The following PPARA variants were observed in gnomAD, a reference collection of about 807,000 sequenced individuals.
The protein encoded by PPARA is peroxisome proliferator-activated receptor alpha.
A neutral mutation model predicts 42.2 loss-of-function variants in PPARA; 22 were observed. The observed-to-expected ratio is 0.52, with a 90% confidence interval of 0.37 to 0.74. The LOEUF is 0.74. Ranked by LOEUF, PPARA falls within the 30% of genes least tolerant of loss-of-function variation. The pLI, the probability that PPARA is intolerant of heterozygous loss-of-function variation, is 0.00. For missense variants in PPARA, 465 were observed against 608.2 expected (o/e 0.76, Z 2.48); for synonymous variants, 242 against 239.3 (o/e 1.01, Z -0.10).
At chr22:46,226,350 T>C (rs115170181) in intron 7 of PPARA, among the ~76,000 whole-genome samples, 145 of 152,352 alleles carry the variant, frequency 9.5e-4, no homozygotes, top group African/African-American at 2.8e-3. Flanking sequence ...AATAATTCTT[T>C]AGCACTGAAT....
intron 4 of PPARA, among the ~76,000 whole-genome samples, chr22:46,201,538 C>T (rs999077369): frequency 2.0e-5 from 3 of 152,142 alleles, no homozygotes; most frequent in East Asian, 1.9e-4. Context: ...TGTCAGGTGG[C>T]GCCTTGAGTG....
At position 46,183,008 on chromosome 22, in the gene PPARA, G is replaced by T. The variant is rs912676942; in HGVS notation, c.-43+6172G>T. Among the ~76,000 whole-genome samples, 6 of 152,190 alleles carry T rather than the reference G, an allele frequency of 3.9e-5. No homozygotes were observed. Among genetic ancestry groups the T allele is most frequent in the African/African-American group, 1.4e-4 (6 of 41,448 alleles). On this transcript the variant is annotated intron_variant, in intron 3 of 8. Coordinates refer to ENST00000407236, the MANE Select transcript of PPARA (RefSeq NM_005036.6). The surrounding 1 kb of genome is among the most constrained non-coding windows in gnomAD (Gnocchi z 5.5). The stretch of plus-strand genomic sequence containing the variant: ...GATCCACCCACCTCGGCCTCCCAAA[G>T]TGTTGGGATTATAGGCATGAGCCAC...
chr22:46,204,421 A>G lies in PPARA; in HGVS notation c.208+5830A>G, dbSNP rs576384887. Among the ~76,000 whole-genome samples the G allele has an allele frequency of 6.6e-6, 1 of 152,356 alleles. No homozygotes were observed. Among genetic ancestry groups the G allele is most frequent in the South Asian group, 2.1e-4 (1 of 4,834 alleles). On this transcript the variant is annotated intron_variant, in intron 4 of 8. Coordinates refer to ENST00000407236, the MANE Select transcript of PPARA (RefSeq NM_005036.6). The surrounding 1 kb of genome is among the most constrained non-coding windows in gnomAD (Gnocchi z 5.2). ...TGTGTAACTTTTTAAGAAACTGCCA[A>G]AATCTTTTCCAGCATTTCAGAAAAA... is the stretch of plus-strand genomic sequence containing the variant.
chr22:46,185,950 T>C lies in PPARA; in HGVS notation c.-43+9114T>C, dbSNP rs1569207858. Among the ~76,000 whole-genome samples, 9 of 57,362 alleles carry C rather than the reference T, an allele frequency of 1.6e-4. 2 individuals carry two copies. The highest frequency in any genetic ancestry group is 5.2e-4 in the African/African-American group (8 of 15,416). 37.6% of individuals were successfully genotyped at this position (57,362 alleles called of 152,430 possible). A position where few individuals can be genotyped will look rare whatever the true frequency, so the allele number is the denominator to read the frequency against. ...ATATATATATATATATATATATATA[T>C]ATATATATATATATACACACACACT... is the stretch of plus-strand genomic sequence containing the variant. On this transcript the variant is annotated intron_variant, in intron 3 of 8. Coordinates refer to ENST00000407236, the MANE Select transcript of PPARA (RefSeq NM_005036.6).
chr22:46,212,850 G>T lies in PPARA; in HGVS notation c.209-2323G>T, dbSNP rs1044721512. Among the ~76,000 whole-genome samples, 2 of 152,108 alleles carry T rather than the reference G, an allele frequency of 1.3e-5. No homozygotes were observed. Among genetic ancestry groups the T allele is most frequent in the Non-Finnish European group, 2.9e-5 (2 of 68,028 alleles). On this transcript the variant is annotated intron_variant, in intron 4 of 8. Transcript: ENST00000407236. The surrounding 1 kb of genome is among the most constrained non-coding windows in gnomAD (Gnocchi z 4.2). Reference sequence around the variant, plus strand: ...GTCTCTACTAAAAATACAAAAATTAGCCGGGCGTGGTAATGGGCACCTGTA... The same window carrying T: ...GTCTCTACTAAAAATACAAAAATTATCCGGGCGTGGTAATGGGCACCTGTA...
chr22:46,215,756 G>T (rs1934426347), intron 5 of PPARA, among the ~76,000 whole-genome samples: 1 of 151,228 alleles, frequency 6.6e-6, no homozygotes, highest in Non-Finnish European at 1.5e-5. Context: ...AAAAAAGAAA[G>T]AAAAAAAGAA....
At chr22:46,199,149 T>C (rs1327929789) in intron 4 of PPARA, among the ~76,000 whole-genome samples, 1 of 152,010 alleles carries the variant, frequency 6.6e-6, no homozygotes, top group Admixed American at 6.6e-5. Context: ...ACAGCTAAAG[T>C]ACACAGACCC....
chr22:46,239,098 CCT>C lies in PPARA; in HGVS notation c.*3719_*3720del, dbSNP rs2147739390. 1 of 152,256 alleles carries C rather than the reference CCT, an allele frequency of 6.6e-6. No individual in the cohort carries two copies. Among genetic ancestry groups the C allele is most frequent in the East Asian group, 1.9e-4 (1 of 5,174 alleles). The allele number at this position is 152,256 out of a possible 1,614,324, so 9.4% of individuals were successfully genotyped here. A position where few individuals can be genotyped will look rare whatever the true frequency, so the allele number is the denominator to read the frequency against. On this transcript the variant is annotated 3_prime_UTR_variant, in exon 9 of 9. Transcript: ENST00000407236. ...TTCAAGGATGCCCAGGAGAGCTGTC[CCT>C]GTTTTAAAGAGCTGTGTTTTGTTTT...
chr22:46,186,182 C>T (rs1443661887), intron 3 of PPARA, among the ~76,000 whole-genome samples: 1 of 151,656 alleles, frequency 6.6e-6, no homozygotes, highest in Non-Finnish European at 1.5e-5. Flanking sequence ...CATTCATAGA[C>T]CGGATGCCAT....
At chr22:46,186,773 T>TC (rs1031223554) in intron 3 of PPARA, among the ~76,000 whole-genome samples, 1 of 150,888 alleles carries the variant, frequency 6.6e-6, no homozygotes, top group Non-Finnish European at 1.5e-5. Context: ...TGTACAGTGC[T>TC]CCCCCCCTTA....
rs780699375 is a variant in PPARA at position 46,224,229 on chromosome 22, C to A, written c.711+4215C>A. Reference sequence around the variant, plus strand: ...CGGGACGCTGGAGGCACGGCCCCCTCCTCCCTGCCTAGCCTGCTGACGGGC... The same window carrying A: ...CGGGACGCTGGAGGCACGGCCCCCTACTCCCTGCCTAGCCTGCTGACGGGC... On this transcript the variant is annotated intron_variant, in intron 7 of 8. Coordinates refer to ENST00000407236, the MANE Select transcript of PPARA (RefSeq NM_005036.6). This position sits in a 1 kb window ranked among gnomAD's most constrained non-coding sequence, Gnocchi z 5.7. 1.2e-3 allele frequency among the ~76,000 whole-genome samples: 190 copies of A among 152,330 alleles called. 1 individual carries two copies. The highest frequency in any genetic ancestry group is 4.3e-3 in the African/African-American group (179 of 41,554).
At position 46,151,476 on chromosome 22, in the gene PPARA, C is replaced by T. The variant is rs4253781; in HGVS notation, c.-209-412C>T. The stretch of plus-strand genomic sequence containing the variant: ...TGGAAGTCAGGAGGGTCGGCCCTGC[C>T]CCCTCACGCACCCCAACCGGGCACA... On this transcript the variant is annotated intron_variant, in intron 1 of 8. Transcript: ENST00000407236. Among the ~76,000 whole-genome samples the T allele has an allele frequency of 9.3e-4, 141 of 152,396 alleles. 1 individual carries two copies. In the Middle Eastern group the frequency reaches 0.01, roughly 11 times the overall value.
intron 2 of PPARA, among the ~76,000 whole-genome samples, 166 bp from the exon 3 acceptor site, chr22:46,176,587 T>G (rs1929098026): frequency 6.6e-6 from 1 of 152,242 alleles, no homozygotes; most frequent in African/African-American, 2.4e-5. Flanking sequence ...TGTTGAGGTT[T>G]GTTTAATGGT....
rs774591318 is a variant in PPARA at position 46,216,542 on chromosome 22, A to G, written c.369+1209A>G. Among the ~76,000 whole-genome samples the G allele has an allele frequency of 2.0e-5, 3 of 152,212 alleles. No individual in the cohort carries two copies. The highest frequency in any genetic ancestry group is 4.4e-5 in the Non-Finnish European group (3 of 68,020). ...TCCTGCCAGGGAAATTGGCCATCAG[A>G]GACACAGAGTATCTTGCTTAGGGTC... On this transcript the variant is annotated intron_variant, in intron 5 of 8. Transcript: ENST00000407236. The surrounding 1 kb of genome is among the most constrained non-coding windows in gnomAD (Gnocchi z 4.5).
Position 46,167,296 on chromosome 22 carries a change from ATATT to A in PPARA, c.-126-9456_-126-9453del, listed in dbSNP as rs1180442717. On this transcript the variant is annotated intron_variant, in intron 2 of 8. Transcript: ENST00000407236. The surrounding 1 kb of genome is among the most constrained non-coding windows in gnomAD (Gnocchi z 4.1). ...TGTTACATATTATATTATGTAATAT[ATATT>A]ATATGATACTGTTATGTCATATAAT... is the stretch of plus-strand genomic sequence containing the variant. 2.6e-5 allele frequency among the ~76,000 whole-genome samples: 4 copies of A among 151,274 alleles called. No homozygotes were observed. The highest frequency in any genetic ancestry group is 4.4e-5 in the Non-Finnish European group (3 of 67,890).
At chr22:46,202,707 C>G (rs1932902086) in intron 4 of PPARA, among the ~76,000 whole-genome samples, 1 of 151,136 alleles carries the variant, frequency 6.6e-6, no homozygotes, top group Admixed American at 6.6e-5. Flanking sequence ...CTCTTGCTGC[C>G]CAGGCTGGAG....
Position 46,183,926 on chromosome 22 carries a change from G to C in PPARA, c.-43+7090G>C, listed in dbSNP as rs908531182. Among the ~76,000 whole-genome samples the C allele has an allele frequency of 6.6e-6, 1 of 152,096 alleles. No individual in the cohort carries two copies. Among genetic ancestry groups the C allele is most frequent in the Non-Finnish European group, 1.5e-5 (1 of 68,030 alleles). ...CTGCCTGAGGTCAAACCCCGGTCCC[G>C]GTGGTTCTGTGCCCCAGCGCATGTT... is the stretch of plus-strand genomic sequence containing the variant. On this transcript the variant is annotated intron_variant, in intron 3 of 8. Coordinates refer to ENST00000407236, the MANE Select transcript of PPARA (RefSeq NM_005036.6). The surrounding 1 kb of genome is among the most constrained non-coding windows in gnomAD (Gnocchi z 5.5).
chr22:46,235,613 A>G lies in PPARA; in HGVS notation c.*233A>G, dbSNP rs138445354. ...GGTGGCTAATCTCAGGACTGGGAAG[A>G]TTACGGCGAATTATGCTCAATGGTC... is the stretch of plus-strand genomic sequence containing the variant. On this transcript the variant is annotated 3_prime_UTR_variant, in exon 9 of 9. Transcript: ENST00000407236. This position sits in a 1 kb window ranked among gnomAD's most constrained non-coding sequence, Gnocchi z 7.0. 839 of 558,256 alleles carry G rather than the reference A, an allele frequency of 1.5e-3. 6 individuals carry two copies. The highest frequency in any genetic ancestry group is 0.014 in the African/African-American group (752 of 53,148). The allele number at this position is 558,256 out of a possible 1,614,324, so 34.6% of individuals were successfully genotyped here. A position where few individuals can be genotyped will look rare whatever the true frequency, so the allele number is the denominator to read the frequency against.
intron 7 of PPARA, among the ~76,000 whole-genome samples, chr22:46,229,814 A>G (rs1305031432): frequency 2.6e-5 from 4 of 152,198 alleles, no homozygotes; most frequent in African/African-American, 9.7e-5. Context: ...CTTTCCTCAG[A>G]TGCAGAATCA....
Sources: allele counts gnomAD v4.1 joint callset (sites outside exome capture counted in the v4.1 genomes callset), GRCh38; gene constraint gnomAD v4.1.1; non-coding constraint Gnocchi (gnomAD v3.1); transcripts MANE v1.5; gene names NCBI Gene and HGNC (gene_info 2026-07-23, HGNC 2026-07-21).